Variants in CABLES1 observed in about 807,000 individuals in gnomAD.
CABLES1 encodes Cdk5 and Abl enzyme substrate 1, also known as CDK5 and ABL1 enzyme substrate 1.
In CABLES1, 36 loss-of-function variants were observed where a neutral mutation model predicts 57.8. That is an observed-to-expected ratio of 0.62 (90% CI 0.48 to 0.82). The LOEUF is 0.82. CABLES1 is among the 40% of genes least tolerant of loss of function. The probability of loss-of-function intolerance (pLI) is 0.00; values close to 1 mark genes in which losing one functional copy is unlikely to be tolerated. For synonymous variants in CABLES1, 374 were observed against 363.0 expected, an observed-to-expected ratio of 1.03 and a Z score of -0.35; for missense variants, 767 against 836.6, an observed-to-expected ratio of 0.92 and a Z score of 1.03.
chr18:23,242,648 ATTCTT>A (rs1203596867), intron 7 of CABLES1, among the ~76,000 whole-genome samples: 1 of 152,196 alleles, frequency 6.6e-6, no homozygotes, highest in Non-Finnish European at 1.5e-5. Flanking sequence ...GGATTTCTGG[ATTCTT>A]TTCTTCTGTA....
intron 7 of CABLES1, among the ~76,000 whole-genome samples, chr18:23,243,872 C>T (rs1490919036): frequency 9.1e-6 from 1 of 109,902 alleles, no homozygotes; most frequent in Non-Finnish European, 2.1e-5. Flanking sequence ...GACTCCGTTT[C>T]AAAAAAAAAA....
At chr18:23,178,322 G>A (rs1449402592) in intron 1 of CABLES1, among the ~76,000 whole-genome samples, 2 of 152,048 alleles carry the variant, frequency 1.3e-5, no homozygotes, top group African/African-American at 2.4e-5. Flanking sequence ...CCTCTGGGAC[G>A]AGGCCAAGTA....
intron 1 of CABLES1, among the ~76,000 whole-genome samples, chr18:23,161,646 CA>C (rs1197359709): frequency 2.7e-5 from 4 of 150,586 alleles, no homozygotes; most frequent in Non-Finnish European, 4.4e-5. Flanking sequence ...TGCAGTGGCT[CA>C]TGCCCGTAAT....
At chr18:23,143,362 G>A (rs2046869388) in intron 1 of CABLES1, among the ~76,000 whole-genome samples, 1 of 152,182 alleles carries the variant, frequency 6.6e-6, no homozygotes, top group Non-Finnish European at 1.5e-5. Context: ...CACATCTTGT[G>A]TTATATAGAG....
At chr18:23,232,561 C>T (rs1290755800) in intron 4 of CABLES1, among the ~76,000 whole-genome samples, 1 of 152,210 alleles carries the variant, frequency 6.6e-6, no homozygotes, top group Non-Finnish European at 1.5e-5. Context: ...TTTTGAGAAT[C>T]GCCCTGGGGT....
intron 1 of CABLES1, among the ~76,000 whole-genome samples, chr18:23,162,231 G>A (rs539043319): frequency 6.6e-6 from 1 of 151,872 alleles, no homozygotes; most frequent in South Asian, 2.1e-4. Flanking sequence ...TTTCACATAA[G>A]GCATAAAGGC....
intron 1 of CABLES1, among the ~76,000 whole-genome samples, chr18:23,143,771 C>G (rs950706566): frequency 5.3e-5 from 8 of 152,190 alleles, no homozygotes; most frequent in Non-Finnish European, 8.8e-5. Context: ...GTTTCACAGC[C>G]TGGATAATGT....
chr18:23,257,061 A>C lies in CABLES1; in HGVS notation c.1762-166A>C, dbSNP rs946679052. The C allele has an allele frequency of 1.7e-5, 12 of 706,812 alleles. No individual in the cohort carries two copies. In the South Asian group the frequency reaches 2.3e-4, roughly 14 times the overall value. The allele number at this position is 706,812 out of a possible 1,614,324, so 43.8% of individuals were successfully genotyped here. ...GCAGCTCCTTCACAACCAGGACCGAAGGCAGGAAGCACAGCCTGTGCCTCC... is the reference window on the plus strand; with the variant it reads ...GCAGCTCCTTCACAACCAGGACCGACGGCAGGAAGCACAGCCTGTGCCTCC... On this transcript the variant is annotated intron_variant, in intron 9 of 9. Coordinates refer to ENST00000256925, the MANE Select transcript of CABLES1 (RefSeq NM_001100619.3).
At chr18:23,216,772 G>A (rs1439903721) in intron 4 of CABLES1, among the ~76,000 whole-genome samples, 1 of 152,194 alleles carries the variant, frequency 6.6e-6, no homozygotes, top group Admixed American at 6.5e-5. Flanking sequence ...GTGGATATGC[G>A]TGGCCCTCCA....
chr18:23,218,061 G>A lies in CABLES1; in HGVS notation c.1088+4007G>A, dbSNP rs374331060. ...TATTCCAAACAAGCACAACACCCCC[G>A]CCACCCCACCGATTAAGGGGCTAAT... On this transcript the variant is annotated intron_variant, in intron 4 of 9. Coordinates refer to ENST00000256925, the MANE Select transcript of CABLES1 (RefSeq NM_001100619.3). 1.8e-4 allele frequency among the ~76,000 whole-genome samples: 28 copies of A among 152,206 alleles called. 1 individual carries two copies. The South Asian group carries it at 4.2e-3, about 23-fold the overall frequency.
chr18:23,186,546 C>T (rs2047204276), intron 1 of CABLES1, among the ~76,000 whole-genome samples: 1 of 152,004 alleles, frequency 6.6e-6, no homozygotes, highest in African/African-American at 2.4e-5. Flanking sequence ...CTGCCTCAGC[C>T]TCCCGAGTAG....
chr18:23,180,543 G>T (rs185456937), intron 1 of CABLES1, among the ~76,000 whole-genome samples: 148 of 152,102 alleles, frequency 9.7e-4, no homozygotes, highest in Non-Finnish European at 1.6e-3. Context: ...TAGAGACAGG[G>T]TCTCACTCTG....
chr18:23,181,137 A>G (rs919652334), intron 1 of CABLES1, among the ~76,000 whole-genome samples: 3 of 152,122 alleles, frequency 2.0e-5, no homozygotes, highest in Non-Finnish European at 4.4e-5. Flanking sequence ...GGCATTGGGA[A>G]GCTGAGGAGG....
chr18:23,206,441 C>T (rs920684840), intron 3 of CABLES1, among the ~76,000 whole-genome samples: 16 of 152,264 alleles, frequency 1.1e-4, no homozygotes, highest in African/African-American at 1.4e-4. Flanking sequence ...TCCTACACAG[C>T]TTAGATGTTG....
At position 23,136,099 on chromosome 18, in the gene CABLES1, G is replaced by C; in HGVS notation, c.337G>C (p.Ala113Pro). Residue 113 changes from alanine to proline, a missense_variant, in exon 1 of 10, where the codon GCT becomes CCT. This residue lies in a region of CABLES1 where 198 missense variants were observed against 149.7 expected (regional missense o/e 1.32). Coordinates refer to ENST00000256925, the MANE Select transcript of CABLES1 (RefSeq NM_001100619.3). ...GARTRFSLLA[A>P]AERGGCIALA... The stretch of plus-strand genomic sequence containing the variant: ...GAGGACTCGGTTCAGCTTGCTCGCC[G>C]CTGCCGAGCGGGGCGGCTGCATCGC... 8.5e-7 allele frequency: 1 copy of C among 1,180,602 alleles called. No homozygotes were observed. The highest frequency in any genetic ancestry group is 1.0e-6 in the Non-Finnish European group (1 of 956,092). The allele number at this position is 1,180,602 out of a possible 1,614,324, so 73.1% of individuals were successfully genotyped here. A position where few individuals can be genotyped will look rare whatever the true frequency, so the allele number is the denominator to read the frequency against.
chr18:23,162,167 A>G (rs1199366864), intron 1 of CABLES1, among the ~76,000 whole-genome samples: 1 of 53,772 alleles, frequency 1.9e-5, no homozygotes, highest in Non-Finnish European at 3.7e-5. Flanking sequence ...CCCTGTCTCA[A>G]AAAAAAAACA....
chr18:23,248,512 C>CTTTTTTTTTTTTTTTTTTTTT (rs59555750), intron 7 of CABLES1, among the ~76,000 whole-genome samples: 1 of 90,714 alleles, frequency 1.1e-5, no homozygotes, highest in Non-Finnish European at 2.1e-5. Context: ...GACCCTATGT[C>CTTTTTTTTTTTTTTTTTTTTT]TTTTTTTTTT....
At position 23,258,925 on chromosome 18, in the gene CABLES1, T is replaced by C. The variant is rs1032414937; in HGVS notation, c.*1558T>C. The C allele has an allele frequency of 6.6e-6, 1 of 151,316 alleles. No individual in the cohort carries two copies. Among genetic ancestry groups the C allele is most frequent in the Admixed American group, 6.6e-5 (1 of 15,166 alleles). The allele number at this position is 151,316 out of a possible 1,614,324, so 9.4% of individuals were successfully genotyped here. A position where few individuals can be genotyped will look rare whatever the true frequency, so the allele number is the denominator to read the frequency against. On this transcript the variant is annotated 3_prime_UTR_variant, in exon 10 of 10. Coordinates refer to ENST00000256925, the MANE Select transcript of CABLES1 (RefSeq NM_001100619.3). Reference sequence around the variant, plus strand: ...GCTTCTTCAGAATCTTAGATTGCACTGAGTTTAGTCCTAAATATTTTGCTA... The same window carrying C: ...GCTTCTTCAGAATCTTAGATTGCACCGAGTTTAGTCCTAAATATTTTGCTA...
chr18:23,236,083 G>T (rs752923690), intron 6 of CABLES1, 32 bp downstream of exon 6: 14 of 1,608,466 alleles, frequency 8.7e-6, no homozygotes, highest in Non-Finnish European at 1.1e-5. Flanking sequence ...CTGGTAGCTC[G>T]TGGTGGGAGG....
Sources: gnomAD v4.1 joint callset for allele counts (sites outside exome capture counted in the v4.1 genomes callset) on GRCh38, gnomAD v4.1.1 for gene constraint, gnomAD v4.1.1 regional missense constraint, MANE v1.5 for transcripts, NCBI Gene and HGNC (gene_info 2026-07-23, HGNC 2026-07-21) for gene names.